The following PDE1C variants were observed in gnomAD, a reference collection of about 807,000 sequenced individuals.
PDE1C encodes phosphodiesterase 1C.
A neutral mutation model predicts 93.1 loss-of-function variants in PDE1C; 62 were observed. The observed-to-expected ratio is 0.67, with a 90% CI of 0.54 to 0.82. PDE1C has a LOEUF of 0.82. Among genes scored for constraint, PDE1C ranks in the 40% least tolerant of loss-of-function variants. The pLI is 0.00. For missense variants in PDE1C, 742 were observed against 884.6 expected (o/e 0.84, Z 2.04); for synonymous variants, 325 against 310.1 (o/e 1.05, Z -0.50).
intron 11 of PDE1C, 113 bp from the exon 12 acceptor site, chr7:31,828,486 A>G (rs2128748016): frequency 3.0e-6 from 2 of 658,106 alleles, no homozygotes; most frequent in East Asian, 5.5e-5. Flanking sequence ...TAATTATTAC[A>G]ATTACATTAT....
At chr7:32,387,861 C>A (rs1373767532) in intron 1 of PDE1C, among the ~76,000 whole-genome samples, 2 of 130,236 alleles carry the variant, frequency 1.5e-5, no homozygotes, top group Non-Finnish European at 3.2e-5. Context: ...AGGGGGCTGA[C>A]CCCCCTCCCC....
the PDE1C span, among the ~76,000 whole-genome samples, chr7:31,625,500 T>C: frequency 6.6e-6 from 1 of 152,152 alleles, no homozygotes; most frequent in Non-Finnish European, 1.5e-5. Context: ...GAAATCATCA[T>C]TCTCAATAAA....
At position 31,932,390 on chromosome 7, in the gene PDE1C, A is replaced by C. The variant is rs917704932; in HGVS notation, c.129-51530T>G. On this transcript the variant is annotated intron_variant, in intron 2 of 17. Coordinates refer to ENST00000396191, the MANE Select transcript of PDE1C (RefSeq NM_001191057.4). ...TTACAAGAAAAAAGAAAACGACCCC[A>C]TCAAAAAGTGGGTGAAGGATATGAG... Among the ~76,000 whole-genome samples, 3 of 152,330 alleles carry C rather than the reference A, an allele frequency of 2.0e-5. No individual in the cohort carries two copies. The South Asian group carries it at 6.2e-4, about 32-fold the overall frequency.
At chr7:31,733,919 G>T in the PDE1C span, among the ~76,000 whole-genome samples, 5 of 152,156 alleles carry the variant, frequency 3.3e-5, no homozygotes, top group African/African-American at 1.2e-4. Flanking sequence ...CAAGAAGATC[G>T]CTTGAACCTG....
chr7:31,916,380 T>A (rs569380428), intron 2 of PDE1C, among the ~76,000 whole-genome samples: 1 of 152,322 alleles, frequency 6.6e-6, no homozygotes, highest in East Asian at 1.9e-4. Flanking sequence ...GGAAATATCA[T>A]GATAACTATG....
upstream of PDE1C, among the ~76,000 whole-genome samples, chr7:32,302,088 T>G (rs1006135528): frequency 6.6e-6 from 1 of 152,226 alleles, no homozygotes; most frequent in African/African-American, 2.4e-5. Flanking sequence ...TCAGTAGCTG[T>G]GCCTGGGACC....
the PDE1C span, among the ~76,000 whole-genome samples, chr7:31,676,596 T>G: frequency 2.0e-5 from 3 of 152,092 alleles, no homozygotes; most frequent in Non-Finnish European, 4.4e-5. Context: ...TATGTGTGTT[T>G]GTGTGGGTGT....
intron 9 of PDE1C, among the ~76,000 whole-genome samples, chr7:31,840,997 C>A (rs557555753): frequency 6.6e-6 from 1 of 152,054 alleles, no homozygotes; most frequent in East Asian, 1.9e-4. Context: ...GATTTGACAT[C>A]TTTATAATAC....
chr7:31,835,547 T>TGTGTGTGC (rs779399809), intron 11 of PDE1C, among the ~76,000 whole-genome samples: 20 of 152,028 alleles, frequency 1.3e-4, no homozygotes, highest in African/African-American at 3.9e-4. Context: ...TGTGTGTGTG[T>TGTGTGTGC]GTGTGTGTGC....
At chr7:31,697,975 G>T in the PDE1C span, among the ~76,000 whole-genome samples, 232 of 152,296 alleles carry the variant, frequency 1.5e-3, no homozygotes, top group African/African-American at 5.5e-3. Context: ...GATCAAAGAT[G>T]AGATGACTAG....
chr7:31,834,379 C>T (rs543382107), intron 11 of PDE1C, among the ~76,000 whole-genome samples: 2 of 152,262 alleles, frequency 1.3e-5, no homozygotes, highest in South Asian at 2.1e-4. Flanking sequence ...ACAACTTGCA[C>T]CATGTGCCTG....
intron 2 of PDE1C, among the ~76,000 whole-genome samples, chr7:32,002,494 G>GGT (rs1293465593): frequency 6.6e-6 from 1 of 152,180 alleles, no homozygotes; most frequent in African/African-American, 2.4e-5. Flanking sequence ...CCAGGTACCT[G>GGT]TGATCCACAG....
At chr7:32,083,936 A>G (rs4530939) in intron 3 of PDE1C, among the ~76,000 whole-genome samples, 91,199 of 147,756 alleles carry the variant, frequency 0.62, 28,357 homozygotes, top group African/African-American at 0.71. Context: ...GGAAGAAACT[A>G]CATCAACTAA....
chr7:32,266,136 G>T (rs991544849), intron 1 of PDE1C, among the ~76,000 whole-genome samples: 3 of 152,008 alleles, frequency 2.0e-5, no homozygotes, highest in African/African-American at 4.8e-5. Context: ...AAAAAAATTA[G>T]CTGGGTGTGG....
intron 3 of PDE1C, among the ~76,000 whole-genome samples, chr7:32,093,414 A>C (rs1415777470): frequency 1.3e-5 from 2 of 152,208 alleles, no homozygotes; most frequent in Non-Finnish European, 2.9e-5. Context: ...TGTCAACTGC[A>C]TCTCCTGCTT....
At chr7:31,737,170 T>C in the PDE1C span, among the ~76,000 whole-genome samples, 1 of 151,802 alleles carries the variant, frequency 6.6e-6, no homozygotes, top group African/African-American at 2.4e-5. Flanking sequence ...GTAGAGACGG[T>C]ATCTCACTTT....
chr7:32,290,156 C>A (rs1380160894), intron 1 of PDE1C, among the ~76,000 whole-genome samples: 3 of 152,202 alleles, frequency 2.0e-5, no homozygotes, highest in African/African-American at 7.2e-5. Flanking sequence ...CCAACCAGCT[C>A]TCCCCAAAGC....
intron 14 of PDE1C, among the ~76,000 whole-genome samples, 165 bp downstream of exon 14, chr7:31,822,908 G>A (rs1789154015): frequency 6.6e-6 from 1 of 152,180 alleles, no homozygotes; most frequent in Admixed American, 6.5e-5. Flanking sequence ...ATTTTATCAT[G>A]CATTGATTCG....
intron 15 of PDE1C, 72 bp from the exon 16 acceptor site, chr7:31,809,180 G>C: frequency 1.2e-6 from 1 of 816,078 alleles, no homozygotes. Flanking sequence ...CTTTAAGTCT[G>C]CCAAGTTTTG....
Sources: allele counts gnomAD v4.1 joint callset (sites outside exome capture counted in the v4.1 genomes callset), GRCh38; gene constraint gnomAD v4.1.1; transcripts MANE v1.5; gene names NCBI Gene and HGNC (gene_info 2026-07-23, HGNC 2026-07-21).